PPARGC1A: variants seen among roughly 807,000 people sequenced by gnomAD.
The protein encoded by PPARGC1A is PPARG coactivator 1 alpha, also known as peroxisome proliferator-activated receptor gamma coactivator 1-alpha.
A neutral mutation model predicts 88.7 loss-of-function variants in PPARGC1A; 25 were observed. The ratio of observed to expected loss-of-function variants is 0.28; its 90% CI spans 0.21 to 0.39. The LOEUF (loss-of-function observed/expected upper bound fraction) is 0.39. PPARGC1A is among the 10% of genes least tolerant of loss of function. PPARGC1A has a pLI of 1.00. For missense variants in PPARGC1A, 880 were observed against 968.7 expected (o/e 0.91, Z 1.22); for synonymous variants, 363 against 355.6 (o/e 1.02, Z -0.24).
chr4:24,333,940 C>CAA, the PPARGC1A span, among the ~76,000 whole-genome samples: 15 of 13,832 alleles, frequency 1.1e-3, no homozygotes, highest in South Asian at 0.016. Context: ...ACAACAACAA[C>CAA]AAAAAAAAAA....
the PPARGC1A span, among the ~76,000 whole-genome samples, chr4:23,985,752 A>G: frequency 6.6e-6 from 1 of 152,040 alleles, no homozygotes; most frequent in Non-Finnish European, 1.5e-5. Flanking sequence ...CAAACTAACA[A>G]ACAAGTAATT....
the PPARGC1A span, among the ~76,000 whole-genome samples, chr4:24,265,630 C>G: frequency 2.6e-5 from 4 of 151,988 alleles, no homozygotes; most frequent in Non-Finnish European, 5.9e-5. Flanking sequence ...GTTGATACAC[C>G]TATGATTAGT....
intron 12 of PPARGC1A, among the ~76,000 whole-genome samples, chr4:23,799,253 C>G (rs1182599256): frequency 6.6e-6 from 1 of 152,114 alleles, no homozygotes; most frequent in Non-Finnish European, 1.5e-5. Context: ...AAAGCTGATT[C>G]CTAGAGTCGA....
chr4:24,394,252 G>T, the PPARGC1A span, among the ~76,000 whole-genome samples: 35 of 152,246 alleles, frequency 2.3e-4, no homozygotes, highest in East Asian at 6.4e-3. Context: ...GTTTACTCAC[G>T]GCCATGTTAG....
At chr4:24,212,103 C>G in the PPARGC1A span, among the ~76,000 whole-genome samples, 1 of 152,178 alleles carries the variant, frequency 6.6e-6, no homozygotes, top group African/African-American at 2.4e-5. Flanking sequence ...CGTCCAAACT[C>G]TTTCATATAA....
At chr4:24,067,419 A>C in the PPARGC1A span, among the ~76,000 whole-genome samples, 1 of 152,208 alleles carries the variant, frequency 6.6e-6, no homozygotes, top group Admixed American at 6.5e-5. Flanking sequence ...CCCCAAAGGG[A>C]CGCCTCTCTC....
At chr4:24,329,165 T>C in the PPARGC1A span, among the ~76,000 whole-genome samples, 1 of 152,096 alleles carries the variant, frequency 6.6e-6, no homozygotes, top group African/African-American at 2.4e-5. Flanking sequence ...GCTGGGATTA[T>C]TGCTGATTGG....
chr4:23,998,803 C>A, the PPARGC1A span, among the ~76,000 whole-genome samples: 1 of 152,176 alleles, frequency 6.6e-6, no homozygotes, highest in Non-Finnish European at 1.5e-5. Context: ...CTTGAAGAGT[C>A]AATAGCTCTC....
chr4:24,078,728 C>T, the PPARGC1A span, among the ~76,000 whole-genome samples: 17 of 152,052 alleles, frequency 1.1e-4, no homozygotes, highest in Non-Finnish European at 2.1e-4. Context: ...TATTTTAATG[C>T]TGTGCCAAGT....
chr4:24,388,156 T>C, the PPARGC1A span, among the ~76,000 whole-genome samples: 1 of 137,316 alleles, frequency 7.3e-6, no homozygotes, highest in Admixed American at 7.1e-5. Flanking sequence ...AAAAAAAACA[T>C]CAAAAAGTGG....
the PPARGC1A span, among the ~76,000 whole-genome samples, chr4:24,221,825 T>C: frequency 2.2e-5 from 3 of 136,816 alleles, no homozygotes; most frequent in African/African-American, 7.7e-5. Flanking sequence ...TTGTTATACT[T>C]AAATTAACTA....
the PPARGC1A span, among the ~76,000 whole-genome samples, chr4:24,020,785 G>A: frequency 6.6e-6 from 1 of 152,170 alleles, no homozygotes; most frequent in African/African-American, 2.4e-5. Context: ...AAGCCTCCAT[G>A]AGCACAGGGG....
the PPARGC1A span, among the ~76,000 whole-genome samples, chr4:24,215,880 C>T: frequency 6.6e-6 from 1 of 152,096 alleles, no homozygotes; most frequent in Non-Finnish European, 1.5e-5. Context: ...AGGGCAAACC[C>T]TATTTCTTAT....
the PPARGC1A span, among the ~76,000 whole-genome samples, chr4:24,386,904 A>G: frequency 1.3e-5 from 2 of 152,232 alleles, no homozygotes; most frequent in Non-Finnish European, 2.9e-5. Context: ...TAAATTTCAT[A>G]TGGAACCAAA....
chr4:24,072,633 C>A, the PPARGC1A span, among the ~76,000 whole-genome samples: 3 of 152,050 alleles, frequency 2.0e-5, no homozygotes, highest in African/African-American at 7.2e-5. Flanking sequence ...TATTTTATTT[C>A]TTCAAAACCT....
At chr4:24,097,514 C>A in the PPARGC1A span, among the ~76,000 whole-genome samples, 1 of 152,084 alleles carries the variant, frequency 6.6e-6, no homozygotes, top group African/African-American at 2.4e-5. Context: ...GATTTTACTT[C>A]TGTTTTTGGT....
At chr4:24,271,305 GCGGA>G in the PPARGC1A span, among the ~76,000 whole-genome samples, 7,244 of 152,180 alleles carry the variant, frequency 0.048, 219 homozygotes, top group Middle Eastern at 0.092. Flanking sequence ...CCTTTAAATA[GCGGA>G]CTGAGTTCCC....
the PPARGC1A span, among the ~76,000 whole-genome samples, chr4:24,437,044 C>T: frequency 6.6e-6 from 1 of 152,218 alleles, no homozygotes; most frequent in African/African-American, 2.4e-5. Context: ...TTGTTCCTCC[C>T]CATTAGATGT....
the PPARGC1A span, among the ~76,000 whole-genome samples, chr4:24,002,222 G>A: frequency 6.6e-6 from 1 of 152,030 alleles, no homozygotes; most frequent in Non-Finnish European, 1.5e-5. Flanking sequence ...TGCCTCCTGG[G>A]GTTCAAGCCA....
Sources: allele counts gnomAD v4.1 joint callset (sites outside exome capture counted in the v4.1 genomes callset), GRCh38; gene constraint gnomAD v4.1.1; transcripts MANE v1.5; gene names NCBI Gene and HGNC (gene_info 2026-07-23, HGNC 2026-07-21).